KDM4C: variants seen among roughly 807,000 people sequenced by gnomAD.
KDM4C encodes lysine demethylase 4C.
In KDM4C, 81 loss-of-function variants were observed where a neutral mutation model predicts 129.3. The ratio of observed to expected loss-of-function variants is 0.63; its 90% CI spans 0.52 to 0.75. The LOEUF (loss-of-function observed/expected upper bound fraction) is 0.75, where lower values mean the gene tolerates loss of function less well. KDM4C is among the 30% of genes least tolerant of loss of function. The probability of loss-of-function intolerance (pLI) is 0.00; values close to 1 mark genes in which losing one functional copy is unlikely to be tolerated. For synonymous variants in KDM4C, 573 were observed against 456.1 expected, an observed-to-expected ratio of 1.26 and a Z score of -3.26; for missense variants, 1,457 against 1,304.0, an observed-to-expected ratio of 1.12 and a Z score of -1.81.
intron 8 of KDM4C, among the ~76,000 whole-genome samples, chr9:6,912,549 T>C (rs888133790): frequency 6.6e-6 from 1 of 152,194 alleles, no homozygotes; most frequent in Non-Finnish European, 1.5e-5. Flanking sequence ...TGTATGTGAA[T>C]GGAGTAGATT....
chr9:6,732,185 T>A (rs1817364277), intron 1 of KDM4C, among the ~76,000 whole-genome samples: 2 of 149,990 alleles, frequency 1.3e-5, no homozygotes, highest in South Asian at 4.3e-4. Flanking sequence ...GCTAACACAG[T>A]GAAACCCCAT....
chr9:6,971,583 T>G (rs1831995435), intron 8 of KDM4C, among the ~76,000 whole-genome samples: 1 of 152,228 alleles, frequency 6.6e-6, no homozygotes, highest in African/African-American at 2.4e-5. Context: ...TTCTACATTT[T>G]ATTTGAATTA....
At chr9:7,138,239 A>G (rs551546226) in intron 19 of KDM4C, among the ~76,000 whole-genome samples, 1 of 152,212 alleles carries the variant, frequency 6.6e-6, no homozygotes, top group Non-Finnish European at 1.5e-5. Flanking sequence ...CTTGGAAGCT[A>G]TTGCCTGCTA....
chr9:6,868,177 C>T lies in KDM4C; in HGVS notation c.630-11835C>T, dbSNP rs12235676. 2.2e-3 allele frequency among the ~76,000 whole-genome samples: 340 copies of T among 152,130 alleles called. 1 individual carries two copies. The highest frequency in any genetic ancestry group is 0.019 in the East Asian group (96 of 5,180). On this transcript the variant is annotated intron_variant, in intron 5 of 21. Coordinates refer to ENST00000381309, the MANE Select transcript of KDM4C (RefSeq NM_015061.6). ...TGAAGACACCAGATAAAAAGCCCCCCGAGAGAAAGAACTCAGCTCGAGCTT... is the reference window on the plus strand; with the variant it reads ...TGAAGACACCAGATAAAAAGCCCCCTGAGAGAAAGAACTCAGCTCGAGCTT...
At chr9:7,032,004 C>G (rs569874480) in intron 15 of KDM4C, among the ~76,000 whole-genome samples, 1 of 152,282 alleles carries the variant, frequency 6.6e-6, no homozygotes, top group Non-Finnish European at 1.5e-5. Context: ...ACTTTCCAAC[C>G]TTAAGTTTCA....
At chr9:6,861,758 C>G (rs534881119) in intron 5 of KDM4C, among the ~76,000 whole-genome samples, 35 of 151,682 alleles carry the variant, frequency 2.3e-4, no homozygotes, top group African/African-American at 8.2e-4. Flanking sequence ...AGTTACTTTA[C>G]AATATATATT....
intron 5 of KDM4C, among the ~76,000 whole-genome samples, chr9:6,860,354 G>A (rs796853518): frequency 2.0e-5 from 3 of 152,266 alleles, no homozygotes; most frequent in African/African-American, 7.2e-5. Context: ...TTGACGGAGG[G>A]TTTTGTTTCT....
rs572154344 is a variant in KDM4C at position 6,776,596 on chromosome 9, C to T, written c.-17-16376C>T. On this transcript the variant is annotated intron_variant, in intron 1 of 21. Coordinates refer to ENST00000381309, the MANE Select transcript of KDM4C (RefSeq NM_015061.6). ...TTATCTTCAAGGCCTGTCTCAAACC[C>T]ACTTTTTTTTTTTTTTTTTTTTTTT... 1.2e-4 allele frequency among the ~76,000 whole-genome samples: 16 copies of T among 139,072 alleles called. No individual in the cohort carries two copies. In the East Asian group the frequency reaches 3.3e-3, roughly 28 times the overall value. The allele number at this position is 139,072 out of a possible 152,430, so 91.2% of individuals were successfully genotyped here.
At chr9:7,010,373 G>T (rs1822471921) in intron 12 of KDM4C, among the ~76,000 whole-genome samples, 2 of 152,122 alleles carry the variant, frequency 1.3e-5, no homozygotes, top group African/African-American at 4.8e-5. Flanking sequence ...GCTACAGTTG[G>T]CATTTGACAT....
At chr9:6,732,234 G>A (rs1817366618) in intron 1 of KDM4C, among the ~76,000 whole-genome samples, 1 of 151,158 alleles carries the variant, frequency 6.6e-6, no homozygotes, top group Admixed American at 6.6e-5. Context: ...GCGTGGTGGT[G>A]GGCGCCTGTA....
At chr9:6,827,648 T>C (rs77953181) in intron 4 of KDM4C, among the ~76,000 whole-genome samples, 14,106 of 152,282 alleles carry the variant, frequency 0.093, 882 homozygotes, top group East Asian at 0.26. Flanking sequence ...CCATTTTTTA[T>C]TTTTATCATG....
intron 8 of KDM4C, among the ~76,000 whole-genome samples, chr9:6,909,782 G>C (rs913727694): frequency 2.0e-5 from 3 of 151,990 alleles, no homozygotes; most frequent in African/African-American, 7.2e-5. Context: ...TTTCTGTCCC[G>C]CTAAAAAATT....
upstream of KDM4C, among the ~76,000 whole-genome samples, chr9:6,754,387 A>G (rs573220838): frequency 7.0e-4 from 106 of 151,196 alleles, no homozygotes; most frequent in African/African-American, 2.5e-3. Context: ...TAATTTTTGT[A>G]TTTTTAGTAG....
chr9:6,739,334 A>G (rs1293638859), intron 1 of KDM4C, among the ~76,000 whole-genome samples: 1 of 151,980 alleles, frequency 6.6e-6, no homozygotes, highest in Non-Finnish European at 1.5e-5. Flanking sequence ...GCACCTCCCA[A>G]AGTGCTGGGA....
intron 17 of KDM4C, among the ~76,000 whole-genome samples, chr9:7,049,540 T>C (rs1219211501): frequency 6.6e-6 from 1 of 152,124 alleles, no homozygotes; most frequent in East Asian, 1.9e-4. Context: ...TTTAGATTTT[T>C]CTCTCTTGAC....
chr9:6,975,123 G>A (rs1172305347), intron 8 of KDM4C, among the ~76,000 whole-genome samples: 2 of 152,296 alleles, frequency 1.3e-5, no homozygotes, highest in East Asian at 3.9e-4. Context: ...CTTTATAATT[G>A]CCTTACTTTA....
chr9:7,047,779 G>A (rs187649015), intron 16 of KDM4C, among the ~76,000 whole-genome samples: 41 of 151,964 alleles, frequency 2.7e-4, no homozygotes, highest in African/African-American at 8.7e-4. Context: ...TCCCTATAAG[G>A]CAGTAATAAC....
At chr9:6,983,282 C>T (rs1361218373) in intron 9 of KDM4C, among the ~76,000 whole-genome samples, 1 of 152,088 alleles carries the variant, frequency 6.6e-6, no homozygotes, top group Non-Finnish European at 1.5e-5. Context: ...GACACTGTTG[C>T]TTTGAGTTGA....
At chr9:6,868,995 C>G (rs1433092717) in intron 5 of KDM4C, among the ~76,000 whole-genome samples, 5 of 152,036 alleles carry the variant, frequency 3.3e-5, no homozygotes, top group Non-Finnish European at 7.4e-5. Context: ...GTGCCATTGT[C>G]TTACTAGATT....
Sources: gnomAD v4.1 joint callset for allele counts (sites outside exome capture counted in the v4.1 genomes callset) on GRCh38, gnomAD v4.1.1 for gene constraint, MANE v1.5 for transcripts, NCBI Gene and HGNC (gene_info 2026-07-23, HGNC 2026-07-21) for gene names.